The following FRY variants were observed in gnomAD, a reference collection of about 807,000 sequenced individuals.
FRY encodes the protein FRY microtubule binding protein.
In FRY, 128 loss-of-function variants were observed where a neutral mutation model predicts 348.4. The observed-to-expected ratio is 0.37, with a 90% CI of 0.32 to 0.43. The LOEUF (loss-of-function observed/expected upper bound fraction) is 0.43, where lower values mean the gene tolerates loss of function less well. Ranked by LOEUF, FRY falls within the 20% of genes least tolerant of loss-of-function variation. The probability of loss-of-function intolerance (pLI) is 1.00; values close to 1 mark genes in which losing one functional copy is unlikely to be tolerated. For missense variants in FRY, 2,736 were observed against 3,695.2 expected (o/e 0.74, Z 6.73); for synonymous variants, 1,370 against 1,374.7 (o/e 1.00, Z 0.08).
chr13:32,180,922 G>A (rs936219915), intron 23 of FRY, among the ~76,000 whole-genome samples: 3 of 151,958 alleles, frequency 2.0e-5, no homozygotes, highest in East Asian at 3.9e-4. Flanking sequence ...ATGGAGTCTC[G>A]CTCTGTCACC....
In FRY at chr13:32,184,637, T is replaced by C; in HGVS notation, c.3092T>C (p.Leu1031Pro). 6.2e-7 allele frequency: 1 copy of C among 1,613,808 alleles called. No individual in the cohort carries two copies. The highest frequency in any genetic ancestry group is 8.5e-7 in the Non-Finnish European group (1 of 1,179,630). The change falls in exon 25 of 61, where the codon CTA becomes CCA. Residue 1031 changes from leucine (L) to proline (P), a missense_variant. Leu to Pro is a moderately conservative substitution (Grantham distance 98). Transcript: ENST00000542859. The stretch of plus-strand genomic sequence containing the variant: ...CGAGAACGGCGAGACTTGTTAAGGC[T>C]ACAACTACTTCGAATTTTTGAACTT... ...KRRERRDLLR[L>P]QLLRIFELLA... is the part of the protein sequence containing the mutation.
intron 11 of FRY, among the ~76,000 whole-genome samples, chr13:32,145,532 T>TG (rs565477320): frequency 0.24 from 31,800 of 133,636 alleles, 4,449 homozygotes; most frequent in East Asian, 0.5. Context: ...ATTTGTTTTT[T>TG]TTTTTTTTTT....
At chr13:32,222,967 T>A (rs1314752090) in intron 36 of FRY, among the ~76,000 whole-genome samples, 1 of 143,414 alleles carries the variant, frequency 7.0e-6, no homozygotes, top group Non-Finnish European at 1.6e-5. Context: ...TTGTGCTTTT[T>A]TTTTGAGACA....
At chr13:32,199,110 G>A (rs575070636) in intron 29 of FRY, among the ~76,000 whole-genome samples, 138 of 152,322 alleles carry the variant, frequency 9.1e-4, no homozygotes, top group South Asian at 4.8e-3. Flanking sequence ...CAACATCTAT[G>A]GAGAAATGAA....
chr13:32,121,675 T>C (rs1238440237), intron 4 of FRY, among the ~76,000 whole-genome samples: 7 of 152,228 alleles, frequency 4.6e-5, no homozygotes, highest in Non-Finnish European at 7.3e-5. Flanking sequence ...ATTCTAGATA[T>C]TAGTCCTTTG....
intron 11 of FRY, among the ~76,000 whole-genome samples, chr13:32,146,737 T>A (rs189479153): frequency 6.6e-6 from 1 of 152,268 alleles, no homozygotes; most frequent in African/African-American, 2.4e-5. Flanking sequence ...CATACTGTTG[T>A]AGAGTTGACT....
Position 32,234,640 on chromosome 13 carries a change from A to G in FRY, c.5594A>G (p.His1865Arg). 1 of 1,614,092 alleles carries G rather than the reference A, an allele frequency of 6.2e-7. No homozygotes were observed. Among genetic ancestry groups the G allele is most frequent in the Non-Finnish European group, 8.5e-7 (1 of 1,180,006 alleles). The change falls in exon 42 of 61, where the codon CAC (histidine) becomes CGC (arginine). Residue 1865 changes from histidine to arginine, a missense_variant. By Grantham distance (29) the His-to-Arg change is conservative (BLOSUM62 0). This residue lies in a region of FRY where 794 missense variants were observed against 977.0 expected (regional missense o/e 0.81). Coordinates refer to ENST00000542859, the MANE Select transcript of FRY (RefSeq NM_023037.3). ...LQTALASSSR[H>R]YAGRSFQIFR... ...ACAGCCCTCGCAAGCTCTTCAAGGCACTATGCTGGTCGGTCCTTCCAGATA... is the reference window on the plus strand; with the variant it reads ...ACAGCCCTCGCAAGCTCTTCAAGGCGCTATGCTGGTCGGTCCTTCCAGATA...
intron 59 of FRY, among the ~76,000 whole-genome samples, chr13:32,292,716 C>T (rs536125512): frequency 2.0e-5 from 3 of 151,930 alleles, no homozygotes; most frequent in East Asian, 1.9e-4. Context: ...CACTTGAACC[C>T]GGGAGGAGGA....
intron 20 of FRY, among the ~76,000 whole-genome samples, chr13:32,176,087 G>A (rs906707855): frequency 7.2e-5 from 11 of 152,042 alleles, no homozygotes; most frequent in Non-Finnish European, 1.5e-4. Flanking sequence ...TCACACAAAA[G>A]GAGAGTTTTA....
chr13:32,094,727 A>G (rs9594922), intron 2 of FRY, among the ~76,000 whole-genome samples: 1,669 of 152,284 alleles, frequency 0.011, 30 homozygotes, highest in African/African-American at 0.039. Context: ...TTCATCGTGT[A>G]TATGTGTCAC....
At chr13:32,247,224 A>G (rs768648338) in intron 47 of FRY, 99 bp from the exon 48 acceptor site, 207 of 965,128 alleles carry the variant, frequency 2.1e-4, no homozygotes, top group Non-Finnish European at 3.1e-4. Flanking sequence ...AAGTCAGTGA[A>G]TTCTGACTGG....
At position 32,224,286 on chromosome 13, in the gene FRY, A is replaced by G. The variant is rs774940969; in HGVS notation, c.4817A>G (p.Lys1606Arg). The stretch of plus-strand genomic sequence containing the variant: ...TGGTTGCTGACTATTACAGAGACCA[A>G]GCAGCCGCAGCCCTTACCGATGCCT... The part of the protein sequence containing the change: ...TGWLLTITET[K>R]QPQPLPMPCT... Residue 1606 changes from lysine (K) to arginine (R), a missense_variant, in exon 37 of 61, where the codon AAG becomes AGG. Physicochemically the swap from Lys to Arg is conservative, Grantham distance 26. This residue lies in a region of FRY where 794 missense variants were observed against 977.0 expected (regional missense o/e 0.81). Transcript: ENST00000542859. The G allele has an allele frequency of 1.6e-5, 26 of 1,613,940 alleles. No homozygotes were observed. Among genetic ancestry groups the G allele is most frequent in the Non-Finnish European group, 1.9e-5 (23 of 1,179,952 alleles).
At chr13:32,233,518 G>A (rs761930998) in intron 41 of FRY, among the ~76,000 whole-genome samples, 4 of 152,146 alleles carry the variant, frequency 2.6e-5, no homozygotes, top group Non-Finnish European at 4.4e-5. Flanking sequence ...CAAATATTCA[G>A]GCAAAAGTTT....
At chr13:32,091,078 A>G (rs974474479) in intron 2 of FRY, among the ~76,000 whole-genome samples, 9 of 152,158 alleles carry the variant, frequency 5.9e-5, no homozygotes, top group African/African-American at 2.2e-4. Context: ...TTTCCCCAGT[A>G]TTTTAGGTGA....
Position 32,243,993 on chromosome 13 carries a change from T to C in FRY, c.6688-49T>C, listed in dbSNP as rs773256469. ...GTGTTGGAAAACACGGGTCCTTCCA[T>C]ACGGAGATCTGGTGTGTGACTGACT... is the stretch of plus-strand genomic sequence containing the variant. On this transcript the variant is annotated intron_variant, in intron 46 of 60. Transcript: ENST00000542859. The C allele has an allele frequency of 5.6e-6, 9 of 1,604,328 alleles. No homozygotes were observed. The South Asian group carries it at 8.8e-5, about 16-fold the overall frequency.
At chr13:32,260,012 T>C (rs1887547678) in intron 51 of FRY, among the ~76,000 whole-genome samples, 1 of 152,234 alleles carries the variant, frequency 6.6e-6, no homozygotes, top group African/African-American at 2.4e-5. Context: ...CTATATCTTA[T>C]CCAGATTGTG....
At chr13:32,033,457 G>A (rs963889520) in intron 1 of FRY, among the ~76,000 whole-genome samples, 15 of 152,062 alleles carry the variant, frequency 9.9e-5, no homozygotes, top group Non-Finnish European at 1.8e-4. Flanking sequence ...ACAATACTGA[G>A]GCCAATGGGA....
intron 16 of FRY, among the ~76,000 whole-genome samples, chr13:32,159,665 G>C (rs1357541082): frequency 1.3e-5 from 2 of 152,182 alleles, no homozygotes; most frequent in Admixed American, 1.3e-4. Context: ...CATCTTGGAA[G>C]TCTGGCAGAG....
intron 55 of FRY, among the ~76,000 whole-genome samples, chr13:32,274,637 G>A (rs1041180442): frequency 1.3e-5 from 2 of 149,468 alleles, no homozygotes; most frequent in Non-Finnish European, 3.0e-5. Context: ...CTGGGAGGGG[G>A]AGCTTGCAGT....
Sources: allele counts gnomAD v4.1 joint callset (sites outside exome capture counted in the v4.1 genomes callset), GRCh38; gene constraint gnomAD v4.1.1; regional missense constraint gnomAD v4.1.1; transcripts MANE v1.5; gene names NCBI Gene and HGNC (gene_info 2026-07-23, HGNC 2026-07-21).